LRFN1: variants seen among roughly 807,000 people sequenced by gnomAD.
LRFN1 encodes leucine rich repeat and fibronectin type III domain containing 1.
LRFN1 carries 20 observed loss-of-function variants against 31.8 expected under a neutral mutation model. That is an observed-to-expected ratio of 0.63 (90% CI 0.44 to 0.91). The LOEUF is 0.91. LRFN1 is among the 40% of genes least tolerant of loss of function. The pLI is 0.00. For missense variants in LRFN1, 912 were observed against 1,129.8 expected, an observed-to-expected ratio of 0.81 and a Z score of 2.76; for synonymous variants, 514 against 541.3, an observed-to-expected ratio of 0.95 and a Z score of 0.70.
chr19:39,313,879 G>A, intron 4 of LRFN1, 52 bp downstream of exon 4: 2 of 1,516,850 alleles, frequency 1.3e-6, no homozygotes. Flanking sequence ...GTGGGAGGGA[G>A]GGTCCCCCTG....
At position 39,308,684 on chromosome 19, in the gene LRFN1, A is replaced by G. The variant is rs1396947450; in HGVS notation, c.1407-142T>C. ...CTACTGAGACAACAGCAGCAATTCA[A>G]GCCCCGCCTCCATCAACATATTCCC... On this transcript the variant is annotated intron_variant, in intron 4 of 4. Coordinates refer to ENST00000248668, the MANE Select transcript of LRFN1 (RefSeq NM_020862.2). This position sits in a 1 kb window ranked among gnomAD's most constrained non-coding sequence, Gnocchi z 6.2. 4.0e-6 allele frequency: 3 copies of G among 750,066 alleles called. No individual in the cohort carries two copies. The highest frequency in any genetic ancestry group is 2.7e-5 in the East Asian group (1 of 36,772). The allele number at this position is 750,066 out of a possible 1,614,324, so 46.5% of individuals were successfully genotyped here.
rs2075140874 is a variant in LRFN1, at chr19:39,308,915, C to T, written c.1407-373G>A. On this transcript the variant is annotated intron_variant, in intron 4 of 4. Transcript: ENST00000248668. This position sits in a 1 kb window ranked among gnomAD's most constrained non-coding sequence, Gnocchi z 6.2. ...TGTCTCACTCTTGCTAGGACAACTGCCATTCAAGGTCCTTCATCTAGGCAT... is the reference window on the plus strand; with the variant it reads ...TGTCTCACTCTTGCTAGGACAACTGTCATTCAAGGTCCTTCATCTAGGCAT... Among the ~76,000 whole-genome samples the T allele has an allele frequency of 1.3e-5, 2 of 152,206 alleles. No individual in the cohort carries two copies. Among genetic ancestry groups the T allele is most frequent in the Admixed American group, 1.3e-4 (2 of 15,284 alleles).
At chr19:39,309,654 G>A (rs1296569800) in intron 4 of LRFN1, among the ~76,000 whole-genome samples, 1 of 152,036 alleles carries the variant, frequency 6.6e-6, no homozygotes, top group Non-Finnish European at 1.5e-5. Context: ...TTCCCCTACT[G>A]TGTATAGGCC....
chr19:39,307,867 G>C lies in LRFN1; in HGVS notation c.2082C>G (p.Ala694=), dbSNP rs765583425. 68 of 1,525,308 alleles carry C rather than the reference G, an allele frequency of 4.5e-5. No individual in the cohort carries two copies. Among genetic ancestry groups the C allele is most frequent in the Non-Finnish European group, 5.9e-5 (68 of 1,143,024 alleles). The allele number at this position is 1,525,308 out of a possible 1,614,324, so 94.5% of individuals were successfully genotyped here. ...GCTGCTGCGGCCTCGGCCGGGCCGC[G>C]GCTCCCCCAGGAACTAGAGCTAGAG... ...PPTLALVPGG[A]AARPRPQQRY... Residue 694 remains alanine, a synonymous_variant, in exon 5 of 5, where the codon GCC becomes GCG. Coordinates refer to ENST00000248668, the MANE Select transcript of LRFN1 (RefSeq NM_020862.2). This position sits in a 1 kb window ranked among gnomAD's most constrained non-coding sequence, Gnocchi z 6.7.
Position 39,308,081 on chromosome 19 carries a change from G to A in LRFN1, c.1868C>T (p.Ala623Val). 2.7e-6 allele frequency: 4 copies of A among 1,500,006 alleles called. No individual in the cohort carries two copies. The highest frequency in any genetic ancestry group is 2.7e-6 in the Non-Finnish European group (3 of 1,131,098). The allele number at this position is 1,500,006 out of a possible 1,614,324, so 92.9% of individuals were successfully genotyped here. A position where few individuals can be genotyped will look rare whatever the true frequency, so the allele number is the denominator to read the frequency against. ...SQAAPAVAVE[A>V]KAMEAETASA... is the part of the protein sequence containing the mutation. ...TGCCGTCTCGGCCTCCATGGCCTTG[G>A]CCTCGACGGCGACGGCGGGGGCAGC... The change falls in exon 5 of 5, where the codon GCC (alanine) becomes GTC (valine). Residue 623 changes from alanine to valine, a missense_variant. By Grantham distance (64) the Ala-to-Val change is moderately conservative. Coordinates refer to ENST00000248668, the MANE Select transcript of LRFN1 (RefSeq NM_020862.2). The surrounding 1 kb of genome is among the most constrained non-coding windows in gnomAD (Gnocchi z 6.2).
rs1021655276 is a variant in LRFN1 at position 39,320,805 on chromosome 19, G to A, written c.-138C>T. The stretch of plus-strand genomic sequence containing the variant: ...AGGCCGCGCTCACCCAGCCCGGGGG[G>A]GCCCCGGGCCCGGCCCCGCCGCCGC... On this transcript the variant is annotated 5_prime_UTR_variant, in exon 1 of 5. Transcript: ENST00000248668. The A allele has an allele frequency of 6.8e-6, 1 of 146,688 alleles. No individual in the cohort carries two copies. The highest frequency in any genetic ancestry group is 2.5e-5 in the African/African-American group (1 of 40,600). The allele number at this position is 146,688 out of a possible 1,614,324, so 9.1% of individuals were successfully genotyped here.
chr19:39,308,610 G>A lies in LRFN1; in HGVS notation c.1407-68C>T, dbSNP rs1218422821. The A allele has an allele frequency of 6.6e-5, 91 of 1,377,742 alleles. No individual in the cohort carries two copies. The highest frequency in any genetic ancestry group is 8.2e-5 in the Non-Finnish European group (85 of 1,032,158). The allele number at this position is 1,377,742 out of a possible 1,614,324, so 85.3% of individuals were successfully genotyped here. On this transcript the variant is annotated intron_variant, in intron 4 of 4. Transcript: ENST00000248668. The surrounding 1 kb of genome is among the most constrained non-coding windows in gnomAD (Gnocchi z 6.2). Reference sequence around the variant, plus strand: ...ACCACGCCCCTTCGCTTTATGCCCCGCCCATGGTGAACAGTGGGGACTAAA... The same window carrying A: ...ACCACGCCCCTTCGCTTTATGCCCCACCCATGGTGAACAGTGGGGACTAAA...
In LRFN1 at chr19:39,307,740, C is replaced by T; in HGVS notation, c.2209G>A (p.Gly737Arg). ...TCCCCGGCCGCGCCCCCTCCAGCCC[C>T]GTCCAGGTGCGGCGTGGACCGGTGG... ...KRHRSTPHLD[G>R]AGGGAAGEDG... The change falls in exon 5 of 5, where the codon GGG becomes AGG. Residue 737 changes from glycine (G) to arginine (R), a missense_variant. Physicochemically the swap from Gly to Arg is moderately radical, Grantham distance 125 (BLOSUM62 -2). Around this residue, in one of 2 missense-constraint regions of LRFN1, gnomAD observed 511 missense variants for 557.0 expected, o/e 0.92. Transcript: ENST00000248668. The surrounding 1 kb of genome is among the most constrained non-coding windows in gnomAD (Gnocchi z 6.7). 3.4e-6 allele frequency: 5 copies of T among 1,491,718 alleles called. No individual in the cohort carries two copies. Among genetic ancestry groups the T allele is most frequent in the South Asian group, 1.4e-5 (1 of 73,646 alleles). 92.4% of individuals were successfully genotyped at this position (1,491,718 alleles called of 1,614,324 possible).
Position 39,307,106 on chromosome 19 carries a change from C to A in LRFN1, c.*527G>T. The A allele has an allele frequency of 2.5e-6, 1 of 395,438 alleles. No individual in the cohort carries two copies. The highest frequency in any genetic ancestry group is 4.5e-6 in the Non-Finnish European group (1 of 224,562). The allele number at this position is 395,438 out of a possible 1,614,324, so 24.5% of individuals were successfully genotyped here. On this transcript the variant is annotated 3_prime_UTR_variant, in exon 5 of 5. Coordinates refer to ENST00000248668, the MANE Select transcript of LRFN1 (RefSeq NM_020862.2). This position sits in a 1 kb window ranked among gnomAD's most constrained non-coding sequence, Gnocchi z 6.7. Reference sequence around the variant, plus strand: ...AGACGACAAGAGGGCGGGATAGAGACAAACGAGGGAAACAGAGAAAGGGGG... The same window carrying A: ...AGACGACAAGAGGGCGGGATAGAGAAAAACGAGGGAAACAGAGAAAGGGGG...
In LRFN1 at chr19:39,314,656, G is replaced by T; in HGVS notation, c.681C>A (p.Pro227=). The T allele has an allele frequency of 6.2e-7, 1 of 1,612,752 alleles. No individual in the cohort carries two copies. Among genetic ancestry groups the T allele is most frequent in the Non-Finnish European group, 8.5e-7 (1 of 1,179,298 alleles). ...CCTGCGACCTCAGGAAGAGCCCGTC[G>T]GGCGGGAGTTTATGCAGGCGGTTGG... ...MTSNRLHKLP[P]DGLFLRSQGT... is the part of the protein sequence containing the mutation. The change falls in exon 4 of 5, where the codon CCC becomes CCA. Residue 227 remains proline, a synonymous_variant. Transcript: ENST00000248668.
rs548490068 is a variant in LRFN1 at position 39,319,393 on chromosome 19, T to C, written c.-125-1035A>G. On this transcript the variant is annotated intron_variant, in intron 1 of 4. Coordinates refer to ENST00000248668, the MANE Select transcript of LRFN1 (RefSeq NM_020862.2). ...CACTCATACTTCACACATCTCCATG[T>C]TGCAAAGTTGATACAGCACCACGCT... is the stretch of plus-strand genomic sequence containing the variant. Among the ~76,000 whole-genome samples, 11 of 151,902 alleles carry C rather than the reference T, an allele frequency of 7.2e-5. No individual in the cohort carries two copies. In the South Asian group the frequency reaches 2.1e-3, roughly 29 times the overall value.
In LRFN1 at chr19:39,315,314, G is replaced by A. The variant is rs866296822; in HGVS notation, c.23C>T (p.Ser8Leu). The A allele has an allele frequency of 2.0e-6, 3 of 1,482,092 alleles. No individual in the cohort carries two copies. The highest frequency in any genetic ancestry group is 2.4e-5 in the East Asian group (1 of 41,226). 91.8% of individuals were successfully genotyped at this position (1,482,092 alleles called of 1,614,324 possible). ...AGCGGGCGGCGGCGAGAGGAGGGCC[G>A]AGGAGAAGGGTCCTGGAGCCATGGT... MAPGPFS[S>L]ALLSPPPAAL... The change falls in exon 4 of 5, where the codon TCG (serine) becomes TTG (leucine). Residue 8 changes from serine to leucine, a missense_variant. Physicochemically the swap from Ser to Leu is moderately radical, Grantham distance 145 (BLOSUM62 -2). Around this residue, in one of 2 missense-constraint regions of LRFN1, gnomAD observed 401 missense variants for 572.7 expected, o/e 0.70. Coordinates refer to ENST00000248668, the MANE Select transcript of LRFN1 (RefSeq NM_020862.2). The surrounding 1 kb of genome is among the most constrained non-coding windows in gnomAD (Gnocchi z 4.7).
intron 4 of LRFN1, among the ~76,000 whole-genome samples, chr19:39,309,584 T>G (rs1266261694): frequency 6.8e-6 from 1 of 147,800 alleles, no homozygotes; most frequent in East Asian, 2.0e-4. Context: ...CTACAGGCCA[T>G]TCCCCAACCA....
intron 2 of LRFN1, among the ~76,000 whole-genome samples, chr19:39,316,758 C>G (rs2075173279): frequency 6.6e-6 from 1 of 152,176 alleles, no homozygotes; most frequent in Non-Finnish European, 1.5e-5. Context: ...CCAGGCAAAA[C>G]CTTCCGGCAG....
intron 4 of LRFN1, among the ~76,000 whole-genome samples, chr19:39,313,002 C>T (rs566795879): frequency 6.6e-6 from 1 of 151,972 alleles, no homozygotes; most frequent in Admixed American, 6.6e-5. Flanking sequence ...CTAACGAGGG[C>T]AGAGAAGGTA....
chr19:39,315,089 C>T lies in LRFN1; in HGVS notation c.248G>A (p.Arg83Gln). The T allele has an allele frequency of 6.3e-7, 1 of 1,593,448 alleles. No homozygotes were observed. Among genetic ancestry groups the T allele is most frequent in the Non-Finnish European group, 8.5e-7 (1 of 1,177,560 alleles). ...CAGGCTGGTCATGTTGGCGAAGTCT[C>T]GGCGGCGCACGGCGGCGATGAAGTT... is the stretch of plus-strand genomic sequence containing the variant. ...TDNFIAAVRRRDFANMTSLVH... is the reference protein window; with the variant it reads ...TDNFIAAVRRQDFANMTSLVH... Residue 83 changes from arginine (R) to glutamine (Q), a missense_variant, in exon 4 of 5, where the codon CGA (arginine) becomes CAA (glutamine). Physicochemically the swap from Arg to Gln is conservative, Grantham distance 43 (BLOSUM62 1). Transcript: ENST00000248668. The surrounding 1 kb of genome is among the most constrained non-coding windows in gnomAD (Gnocchi z 4.7).
chr19:39,308,165 T>C lies in LRFN1; in HGVS notation c.1784A>G (p.Gln595Arg). 1 of 1,568,246 alleles carries C rather than the reference T, an allele frequency of 6.4e-7. No individual in the cohort carries two copies. The highest frequency in any genetic ancestry group is 8.6e-7 in the Non-Finnish European group (1 of 1,157,020). ...GTCCTGGGCCGGCAGGGCCGGGGCC[T>C]GTGCCGCGCCTGTGCCTGCGCCGTT... ...QTNGAGTGAA[Q>R]APALPAQDHY... Residue 595 changes from glutamine to arginine, a missense_variant, in exon 5 of 5, where the codon CAG becomes CGG. By Grantham distance (43) the Gln-to-Arg change is conservative. This residue lies in a region of LRFN1 where 511 missense variants were observed against 557.0 expected (regional missense o/e 0.92). Transcript: ENST00000248668. The surrounding 1 kb of genome is among the most constrained non-coding windows in gnomAD (Gnocchi z 6.2).
chr19:39,307,425 G>A lies in LRFN1; in HGVS notation c.*208C>T. On this transcript the variant is annotated 3_prime_UTR_variant, in exon 5 of 5. Transcript: ENST00000248668. The surrounding 1 kb of genome is among the most constrained non-coding windows in gnomAD (Gnocchi z 6.7). Reference sequence around the variant, plus strand: ...AGGAGTCCATAGGGGAAGGGAGGCCGGCAGCCGGTCCCCGAACCCCGCCCT... The same window carrying A: ...AGGAGTCCATAGGGGAAGGGAGGCCAGCAGCCGGTCCCCGAACCCCGCCCT... 8.5e-6 allele frequency: 4 copies of A among 470,912 alleles called. No individual in the cohort carries two copies. Among genetic ancestry groups the A allele is most frequent in the African/African-American group, 2.0e-5 (1 of 49,574 alleles). 29.2% of individuals were successfully genotyped at this position (470,912 alleles called of 1,614,324 possible).
rs71169583 is a variant in LRFN1 at position 39,309,478 on chromosome 19, C to CAAAAAAAAAAAAAAAAAAAAAAAAA, written c.1407-961_1407-937dup. On this transcript the variant is annotated intron_variant, in intron 4 of 4. Transcript: ENST00000248668. The stretch of plus-strand genomic sequence containing the variant: ...ACTCTGTCTCAAAAAACAAACAAAC[C>CAAAAAAAAAAAAAAAAAAAAAAAAA]AAAAAAAAAAAAAAAAAAAAAAAAA... 1.6e-4 allele frequency among the ~76,000 whole-genome samples: 5 copies of CAAAAAAAAAAAAAAAAAAAAAAAAA among 32,004 alleles called. 1 individual carries two copies. The highest frequency in any genetic ancestry group is 5.9e-4 in the African/African-American group (4 of 6,828). 21.0% of individuals were successfully genotyped at this position (32,004 alleles called of 152,430 possible). A position where few individuals can be genotyped will look rare whatever the true frequency, so the allele number is the denominator to read the frequency against.
Sources: allele counts gnomAD v4.1 joint callset (sites outside exome capture counted in the v4.1 genomes callset), GRCh38; gene constraint gnomAD v4.1.1; regional missense constraint gnomAD v4.1.1; non-coding constraint Gnocchi (gnomAD v3.1); transcripts MANE v1.5; gene names NCBI Gene and HGNC (gene_info 2026-07-23, HGNC 2026-07-21).